CAST: variants seen among roughly 807,000 people sequenced by gnomAD.
The protein encoded by CAST is MIR583 host.
Under a neutral mutation model 119.6 loss-of-function variants are expected in CAST, and 76 were observed. That is an observed-to-expected ratio of 0.64 (90% CI 0.53 to 0.77). CAST has a LOEUF of 0.77. Ranked by LOEUF, CAST falls within the 30% of genes least tolerant of loss-of-function variation. The pLI is 0.00. For synonymous variants in CAST, 319 were observed against 331.6 expected, an observed-to-expected ratio of 0.96 and a Z score of 0.41; for missense variants, 953 against 946.5, an observed-to-expected ratio of 1.01 and a Z score of -0.09.
intron 1 of CAST, among the ~76,000 whole-genome samples, chr5:96,665,003 T>C (rs1749137194): frequency 6.6e-6 from 1 of 152,250 alleles, no homozygotes; most frequent in Non-Finnish European, 1.5e-5. Context: ...GCTGGGTTAC[T>C]TGGATGAAAG....
At chr5:96,642,250 A>C (rs894644359) in intron 1 of CAST, among the ~76,000 whole-genome samples, 11 of 152,210 alleles carry the variant, frequency 7.2e-5, no homozygotes, top group African/African-American at 2.7e-4. Flanking sequence ...CCATGATGAA[A>C]AGGATCATTT....
rs1207470343 is a variant in CAST, at chr5:96,730,137, C to A, written c.549+412C>A. Reference sequence around the variant, plus strand: ...GGAAATCCTAAAGCATTTTTAGGGTCGTGTTGTAGAAGAGCTGAACTTACA... The same window carrying A: ...GGAAATCCTAAAGCATTTTTAGGGTAGTGTTGTAGAAGAGCTGAACTTACA... On this transcript the variant is annotated intron_variant, in intron 8 of 31. Transcript: ENST00000675179. Among the ~76,000 whole-genome samples, 4 of 152,284 alleles carry A rather than the reference C, an allele frequency of 2.6e-5. No individual in the cohort carries two copies. In the East Asian group the frequency reaches 7.7e-4, roughly 29 times the overall value.
chr5:96,104,173 A>G, the CAST span, among the ~76,000 whole-genome samples: 8 of 152,108 alleles, frequency 5.3e-5, no homozygotes, highest in Non-Finnish European at 1.0e-4. Flanking sequence ...ATTTTCGCCC[A>G]TTTTGTAGGT....
chr5:96,072,469 G>C, the CAST span, among the ~76,000 whole-genome samples: 2 of 152,072 alleles, frequency 1.3e-5, no homozygotes, highest in African/African-American at 2.4e-5. Flanking sequence ...CAGCCTTTCT[G>C]CAAAAAATGA....
chr5:96,748,370 T>C (rs750989215), intron 18 of CAST, 148 bp from the exon 19 acceptor site: 18 of 426,214 alleles, frequency 4.2e-5, no homozygotes, highest in Non-Finnish European at 6.8e-5. Flanking sequence ...CGTTGATAAA[T>C]GAAAAAATAT....
chr5:96,306,776 T>C, the CAST span, among the ~76,000 whole-genome samples: 23 of 152,240 alleles, frequency 1.5e-4, no homozygotes, highest in African/African-American at 5.3e-4. Context: ...AGTTTCTGAA[T>C]ACTGAGTTCC....
chr5:96,006,311 G>T, the CAST span, among the ~76,000 whole-genome samples: 1 of 151,718 alleles, frequency 6.6e-6, no homozygotes, highest in African/African-American at 2.4e-5. Context: ...AATGGAAGAA[G>T]AATTGTCTTG....
chr5:96,274,770 T>C, the CAST span, among the ~76,000 whole-genome samples: 3 of 152,362 alleles, frequency 2.0e-5, no homozygotes, highest in East Asian at 5.8e-4. Flanking sequence ...AAACAGCTCA[T>C]GTTTCAAGAA....
At chr5:96,284,173 A>G in the CAST span, among the ~76,000 whole-genome samples, 1 of 152,248 alleles carries the variant, frequency 6.6e-6, no homozygotes, top group Non-Finnish European at 1.5e-5. Flanking sequence ...AAGAAAGCAC[A>G]GTATCCTTAC....
At chr5:96,531,793 T>C (rs1745693631) in intron 1 of CAST, among the ~76,000 whole-genome samples, 1 of 152,134 alleles carries the variant, frequency 6.6e-6, no homozygotes, top group Non-Finnish European at 1.5e-5. Context: ...TATTGCCTCA[T>C]AACACAAGAA....
In CAST at chr5:96,774,152, GT is replaced by G. The variant is rs1249413184; in HGVS notation, c.*1539del. On this transcript the variant is annotated 3_prime_UTR_variant, in exon 32 of 32. Coordinates refer to ENST00000675179, the MANE Select transcript of CAST (RefSeq NM_001750.7). ...ATCCTCCCATTTGGGCAGTATAGGT[GT>G]TTGCTTTTTTGTTTTCTTTTTTTAA... 1 of 153,630 alleles carries G rather than the reference GT, an allele frequency of 6.5e-6. No individual in the cohort carries two copies. Among genetic ancestry groups the G allele is most frequent in the African/African-American group, 2.4e-5 (1 of 41,344 alleles). 9.5% of individuals were successfully genotyped at this position (153,630 alleles called of 1,614,324 possible).
At chr5:96,557,270 G>C (rs1184558925) in intron 1 of CAST, among the ~76,000 whole-genome samples, 11 of 152,052 alleles carry the variant, frequency 7.2e-5, no homozygotes, top group Admixed American at 7.2e-4. Flanking sequence ...AAATTGTAAA[G>C]ACTATCGATG....
intron 1 of CAST, among the ~76,000 whole-genome samples, chr5:96,572,753 C>T (rs1386406713): frequency 6.6e-6 from 1 of 152,008 alleles, no homozygotes; most frequent in Non-Finnish European, 1.5e-5. Context: ...TTGTGCTGGT[C>T]TCTACACCTT....
the CAST span, among the ~76,000 whole-genome samples, chr5:96,407,469 G>A: frequency 3.3e-5 from 5 of 152,004 alleles, no homozygotes; most frequent in Non-Finnish European, 7.4e-5. Flanking sequence ...TTGGAAACTG[G>A]CACTTTCACA....
At chr5:96,161,561 G>A in the CAST span, among the ~76,000 whole-genome samples, 2 of 152,102 alleles carry the variant, frequency 1.3e-5, no homozygotes, top group Non-Finnish European at 2.9e-5. Flanking sequence ...AAAAGCAGGA[G>A]GTATGAGTCC....
At chr5:96,326,663 A>G in the CAST span, among the ~76,000 whole-genome samples, 3 of 148,406 alleles carry the variant, frequency 2.0e-5, no homozygotes, top group South Asian at 6.4e-4. Flanking sequence ...TTAAAAATGT[A>G]AATTACTCAA....
At chr5:96,474,241 TGAGACGATGAG>T in the CAST span, among the ~76,000 whole-genome samples, 24 of 152,214 alleles carry the variant, frequency 1.6e-4, no homozygotes, top group South Asian at 4.4e-3. Context: ...GATGCAGAAC[TGAGACGATGAG>T]GCTGCTGTTG....
the CAST span, among the ~76,000 whole-genome samples, chr5:96,072,321 G>T: frequency 6.6e-6 from 1 of 152,198 alleles, no homozygotes; most frequent in Non-Finnish European, 1.5e-5. Flanking sequence ...AACAGCCACT[G>T]TGTGGAGGAG....
the CAST span, among the ~76,000 whole-genome samples, chr5:96,060,812 A>G: frequency 1.3e-5 from 2 of 152,172 alleles, no homozygotes; most frequent in Non-Finnish European, 2.9e-5. Context: ...TTAAAATACC[A>G]TAGACTGGGT....
Sources: allele counts gnomAD v4.1 joint callset (sites outside exome capture counted in the v4.1 genomes callset), GRCh38; gene constraint gnomAD v4.1.1; transcripts MANE v1.5; gene names NCBI Gene and HGNC (gene_info 2026-07-23, HGNC 2026-07-21).